TRIM2: variants seen among roughly 807,000 people sequenced by gnomAD.
TRIM2 encodes tripartite motif-containing protein 2.
TRIM2 carries 20 observed loss-of-function variants against 75.2 expected under a neutral mutation model. The observed-to-expected ratio is 0.27, with a 90% CI of 0.19 to 0.39. TRIM2 has a LOEUF of 0.39. TRIM2 is among the 10% of genes least tolerant of loss of function. TRIM2 has a pLI of 1.00. For synonymous variants in TRIM2, 373 were observed against 388.3 expected, an observed-to-expected ratio of 0.96 and a Z score of 0.46; for missense variants, 660 against 990.8, an observed-to-expected ratio of 0.67 and a Z score of 4.48.
At chr4:153,169,315 T>C (rs1730616450) in intron 1 of TRIM2, among the ~76,000 whole-genome samples, 1 of 152,234 alleles carries the variant, frequency 6.6e-6, no homozygotes, top group Middle Eastern at 3.2e-3. Flanking sequence ...GTGACTGACC[T>C]GCCTCAGAAA....
chr4:153,203,736 A>G (rs1734715478), upstream of TRIM2, among the ~76,000 whole-genome samples: 1 of 152,106 alleles, frequency 6.6e-6, no homozygotes, highest in South Asian at 2.1e-4. Context: ...TACTAAAAAT[A>G]CAAAAATTCA....
chr4:153,250,562 A>G (rs1043001409), intron 1 of TRIM2, among the ~76,000 whole-genome samples: 2 of 152,208 alleles, frequency 1.3e-5, no homozygotes, highest in Non-Finnish European at 2.9e-5. Context: ...ACCAACCAAA[A>G]TTCCTCCTTG....
chr4:153,189,800 T>C (rs1328351185), intron 1 of TRIM2, among the ~76,000 whole-genome samples: 2 of 152,246 alleles, frequency 1.3e-5, no homozygotes, highest in Non-Finnish European at 1.5e-5. Flanking sequence ...TGAAGATTTA[T>C]CATTTCTATT....
intron 2 of TRIM2, among the ~76,000 whole-genome samples, 154 bp from the exon 3 acceptor site, chr4:153,275,739 C>A (rs1757869426): frequency 6.6e-6 from 1 of 152,130 alleles, no homozygotes; most frequent in Non-Finnish European, 1.5e-5. Flanking sequence ...TACAGCTTAC[C>A]TGTTGGTTTC....
chr4:153,285,539 C>T (rs950069605), intron 3 of TRIM2, among the ~76,000 whole-genome samples: 1 of 152,052 alleles, frequency 6.6e-6, no homozygotes, highest in African/African-American at 2.4e-5. Context: ...ACTATTTTGG[C>T]CAGCCTGGTC....
At chr4:153,163,189 C>A (rs35951923) in intron 1 of TRIM2, among the ~76,000 whole-genome samples, 67,692 of 151,964 alleles carry the variant, frequency 0.45, 16,181 homozygotes, top group Non-Finnish European at 0.55. Flanking sequence ...AGATTTACAT[C>A]ATTTTTTTTT....
intron 1 of TRIM2, among the ~76,000 whole-genome samples, chr4:153,181,439 G>T (rs1433327098): frequency 6.6e-6 from 1 of 152,188 alleles, no homozygotes; most frequent in East Asian, 1.9e-4. Flanking sequence ...TCTGTGTCAG[G>T]CTGAGTCACC....
chr4:153,334,222 G>A (rs867862205), intron 11 of TRIM2, among the ~76,000 whole-genome samples: 2 of 152,022 alleles, frequency 1.3e-5, no homozygotes, highest in South Asian at 2.1e-4. Context: ...ACAAGTGAAA[G>A]CTAGCAGCCA....
chr4:153,244,355 C>CTTCCTCTTCT (rs1748079616), intron 1 of TRIM2, among the ~76,000 whole-genome samples: 6 of 12,706 alleles, frequency 4.7e-4, no homozygotes, highest in Admixed American at 8.1e-4. Flanking sequence ...CTTCTTCTTC[C>CTTCCTCTTCT]TCTTCTTCTT....
rs145312123 is a variant in TRIM2, at chr4:153,239,418, G to GCT, written c.31-30894_31-30893dup. 4.7e-3 allele frequency among the ~76,000 whole-genome samples: 690 copies of GCT among 146,982 alleles called. 1 individual carries two copies. Among genetic ancestry groups the GCT allele is most frequent in the Middle Eastern group, 0.014 (4 of 282 alleles). ...TTGGAGATTTTATCATAAAGATAGT[G>GCT]CTCTCTCTCTCTCTCTCTCTCTCTG... On this transcript the variant is annotated intron_variant, in intron 1 of 11. Coordinates refer to ENST00000338700, the MANE Select transcript of TRIM2 (RefSeq NM_015271.5).
chr4:153,226,525 C>G (rs1308524465), intron 1 of TRIM2, among the ~76,000 whole-genome samples: 2 of 152,208 alleles, frequency 1.3e-5, no homozygotes, highest in African/African-American at 4.8e-5. Flanking sequence ...GATGAATACC[C>G]TTTTAAACTG....
At chr4:153,265,051 A>AT (rs1359749388) in intron 1 of TRIM2, among the ~76,000 whole-genome samples, 22 of 152,240 alleles carry the variant, frequency 1.4e-4, no homozygotes, top group Admixed American at 5.2e-4. Context: ...AAATGTTTTC[A>AT]TTTTTGGCTT....
intron 1 of TRIM2, among the ~76,000 whole-genome samples, chr4:153,253,177 A>C (rs1751266347): frequency 6.6e-6 from 1 of 152,174 alleles, no homozygotes; most frequent in Non-Finnish European, 1.5e-5. Context: ...AAGGAGCGCA[A>C]GAAGTTAACC....
intron 1 of TRIM2, among the ~76,000 whole-genome samples, chr4:153,197,027 A>C (rs945126245): frequency 5.9e-5 from 9 of 152,232 alleles, no homozygotes; most frequent in Non-Finnish European, 1.2e-4. Flanking sequence ...AGGCTTATAG[A>C]AAACCCATTG....
At chr4:153,201,231 T>G (rs1734334064), upstream of TRIM2, among the ~76,000 whole-genome samples, 2 of 152,234 alleles carry the variant, frequency 1.3e-5, no homozygotes, top group African/African-American at 4.8e-5. Flanking sequence ...CCCAAAGTGC[T>G]GGGATTACAG....
chr4:153,181,038 G>A (rs958299178), intron 1 of TRIM2, among the ~76,000 whole-genome samples: 4 of 152,138 alleles, frequency 2.6e-5, no homozygotes, highest in Non-Finnish European at 5.9e-5. Context: ...AAGTGAGAAG[G>A]GCTGAGGAGT....
intron 3 of TRIM2, chr4:153,276,401 C>T: frequency 1.9e-6 from 1 of 522,154 alleles, no homozygotes; most frequent in Non-Finnish European, 3.4e-6. Flanking sequence ...AGCTGACCTA[C>T]ATAAACATCT....
rs1772833995 is a variant in TRIM2, at chr4:153,339,315, C to T, written c.*4349C>T. 1 of 412,116 alleles carries T rather than the reference C, an allele frequency of 2.4e-6. No individual in the cohort carries two copies. The highest frequency in any genetic ancestry group is 3.3e-6 in the Non-Finnish European group (1 of 306,278). The allele number at this position is 412,116 out of a possible 1,614,324, so 25.5% of individuals were successfully genotyped here. A position where few individuals can be genotyped will look rare whatever the true frequency, so the allele number is the denominator to read the frequency against. On this transcript the variant is annotated 3_prime_UTR_variant, in exon 12 of 12. Transcript: ENST00000338700. ...ATCATTATAATAAAGCTTGTTTTCT[C>T]CATTTGCAGAGTGAATATTTATTTA...
chr4:153,273,497 G>C (rs1757349925), intron 2 of TRIM2, among the ~76,000 whole-genome samples: 3 of 128,486 alleles, frequency 2.3e-5, no homozygotes, highest in South Asian at 4.9e-4. Context: ...GTTTCACCGT[G>C]TTAGCCAGGA....
Sources: allele counts gnomAD v4.1 joint callset (sites outside exome capture counted in the v4.1 genomes callset), GRCh38; gene constraint gnomAD v4.1.1; transcripts MANE v1.5; gene names NCBI Gene and HGNC (gene_info 2026-07-23, HGNC 2026-07-21).